The following PIK3CD variants were observed in gnomAD, a reference collection of about 807,000 sequenced individuals.
PIK3CD encodes the protein phosphatidylinositol-4,5-bisphosphate 3-kinase catalytic subunit delta, also known as phosphatidylinositol 4,5-bisphosphate 3-kinase catalytic subunit delta isoform.
Under a neutral mutation model 122.9 loss-of-function variants are expected in PIK3CD, and 20 were observed. The ratio of observed to expected loss-of-function variants is 0.16; its 90% CI spans 0.11 to 0.24. PIK3CD has a LOEUF of 0.24. Among genes scored for constraint, PIK3CD ranks in the 10% least tolerant of loss-of-function variants. The probability of loss-of-function intolerance (pLI) is 1.00; values close to 1 mark genes in which losing one functional copy is unlikely to be tolerated. For missense variants in PIK3CD, 787 were observed against 1,406.3 expected, an observed-to-expected ratio of 0.56 and a Z score of 7.04; for synonymous variants, 596 against 593.4, an observed-to-expected ratio of 1.00 and a Z score of -0.06.
chr1:9,697,702 T>C (rs1187694661), intron 2 of PIK3CD, among the ~76,000 whole-genome samples: 1 of 150,948 alleles, frequency 6.6e-6, no homozygotes, highest in Non-Finnish European at 1.5e-5. Flanking sequence ...CATTGCACTG[T>C]AGCACGGGCA....
intron 2 of PIK3CD, among the ~76,000 whole-genome samples, chr1:9,696,920 A>G (rs892787094): frequency 6.6e-6 from 1 of 152,038 alleles, no homozygotes; most frequent in Non-Finnish European, 1.5e-5. Flanking sequence ...ATGTACTAAG[A>G]CCTTGTCTCT....
At chr1:9,675,786 A>G (rs12567553) in intron 1 of PIK3CD, among the ~76,000 whole-genome samples, 49,179 of 150,196 alleles carry the variant, frequency 0.33, 12,066 homozygotes, top group East Asian at 0.65. Context: ...TTTTTTTAGA[A>G]ACAGGGTCTC....
In PIK3CD at chr1:9,663,361, G is replaced by A. The variant is rs193000272; in HGVS notation, c.-138+11559G>A. On this transcript the variant is annotated intron_variant, in intron 1 of 23. Coordinates refer to ENST00000377346, the MANE Select transcript of PIK3CD (RefSeq NM_005026.5). ...GTTCTTCCTGGCATTATGTGCCCGAGAGGGTGCGGAGGAACATGCTAGATC... is the reference window on the plus strand; with the variant it reads ...GTTCTTCCTGGCATTATGTGCCCGAAAGGGTGCGGAGGAACATGCTAGATC... Among the ~76,000 whole-genome samples the A allele has an allele frequency of 3.7e-4, 57 of 152,236 alleles. 1 individual carries two copies. The highest frequency in any genetic ancestry group is 6.8e-4 in the Non-Finnish European group (46 of 68,022).
intron 1 of PIK3CD, among the ~76,000 whole-genome samples, chr1:9,688,974 C>T (rs530026925): frequency 4.6e-4 from 70 of 152,272 alleles, no homozygotes; most frequent in African/African-American, 1.6e-3. Context: ...TTCTAAATCT[C>T]ACATATAAGG....
chr1:9,715,594 C>T lies in PIK3CD; in HGVS notation c.195C>T (p.Pro65=), dbSNP rs752425885. Residue 65 remains proline (P), a synonymous_variant, in exon 4 of 24, where the codon CCC becomes CCT. Transcript: ENST00000377346. The surrounding 1 kb of genome is among the most constrained non-coding windows in gnomAD (Gnocchi z 4.1). ...CGCTCTTCCACATGCTCAGTGGCCC[C>T]GAGGCCTATGTGTTCACCTGCATCA... The part of the protein sequence containing the change: ...YEPLFHMLSG[P]EAYVFTCINQ... The T allele has an allele frequency of 6.8e-6, 11 of 1,613,710 alleles. No homozygotes were observed. The highest frequency in any genetic ancestry group is 3.3e-5 in the South Asian group (3 of 91,084).
At chr1:9,645,779 G>A in the PIK3CD span, among the ~76,000 whole-genome samples, 2 of 151,492 alleles carry the variant, frequency 1.3e-5, no homozygotes, top group African/African-American at 4.8e-5. Flanking sequence ...CTAATTTTTT[G>A]TATTTTTAGT....
intron 1 of PIK3CD, among the ~76,000 whole-genome samples, chr1:9,685,968 G>A (rs1645949994): frequency 6.6e-6 from 1 of 152,218 alleles, no homozygotes; most frequent in Non-Finnish European, 1.5e-5. Flanking sequence ...GTTAGAAAGA[G>A]AATAGCAGAA....
At chr1:9,716,838 G>A in intron 6 of PIK3CD, 121 bp from the exon 7 acceptor site, 1 of 1,411,658 alleles carries the variant, frequency 7.1e-7, no homozygotes, top group Non-Finnish European at 9.9e-7. Flanking sequence ...CCAGCAGGAA[G>A]CCCTCCCCTC....
the PIK3CD span, among the ~76,000 whole-genome samples, chr1:9,643,452 A>G: frequency 9.6e-6 from 1 of 104,062 alleles, no homozygotes; most frequent in African/African-American, 3.8e-5. Flanking sequence ...GGAAGGAAGG[A>G]AGGGAGGGAG....
the PIK3CD span, among the ~76,000 whole-genome samples, chr1:9,636,370 T>G: frequency 6.6e-6 from 1 of 152,162 alleles, no homozygotes; most frequent in Non-Finnish European, 1.5e-5. Flanking sequence ...ATTTTTGTAT[T>G]TTTAGTAGAG....
the PIK3CD span, among the ~76,000 whole-genome samples, chr1:9,630,326 G>C: frequency 6.6e-6 from 1 of 152,258 alleles, no homozygotes; most frequent in Non-Finnish European, 1.5e-5. Context: ...TGAAGGGGCT[G>C]TTCCTGCACT....
In PIK3CD at chr1:9,689,804, C is replaced by T. The variant is rs1276101303; in HGVS notation, c.-137-1663C>T. Among the ~76,000 whole-genome samples, 1 of 151,898 alleles carries T rather than the reference C, an allele frequency of 6.6e-6. No individual in the cohort carries two copies. Among genetic ancestry groups the T allele is most frequent in the Admixed American group, 6.5e-5 (1 of 15,268 alleles). The stretch of plus-strand genomic sequence containing the variant: ...GCCGGGCGTCCCACCCCGCCCAGCC[C>T]CGGGCTTTGTCCGCCTGGGGCGGGG... On this transcript the variant is annotated intron_variant, in intron 1 of 23. Coordinates refer to ENST00000377346, the MANE Select transcript of PIK3CD (RefSeq NM_005026.5). This position sits in a 1 kb window ranked among gnomAD's most constrained non-coding sequence, Gnocchi z 6.1.
intron 1 of PIK3CD, among the ~76,000 whole-genome samples, chr1:9,667,257 G>A (rs549435494): frequency 6.6e-6 from 1 of 152,162 alleles, no homozygotes; most frequent in East Asian, 1.9e-4. Context: ...CTTGAGCCCA[G>A]GAATTCAAGG....
At chr1:9,636,815 G>A in the PIK3CD span, among the ~76,000 whole-genome samples, 9 of 152,196 alleles carry the variant, frequency 5.9e-5, no homozygotes, top group African/African-American at 1.9e-4. Flanking sequence ...GGGCTTAGGT[G>A]GATAGAGTTC....
At position 9,718,970 on chromosome 1, in the gene PIK3CD, C is replaced by T; in HGVS notation, c.1242+55C>T. 1.3e-6 allele frequency: 2 copies of T among 1,504,896 alleles called. No homozygotes were observed. Among genetic ancestry groups the T allele is most frequent in the South Asian group, 2.3e-5 (2 of 88,056 alleles). The allele number at this position is 1,504,896 out of a possible 1,614,324, so 93.2% of individuals were successfully genotyped here. A position where few individuals can be genotyped will look rare whatever the true frequency, so the allele number is the denominator to read the frequency against. ...CAGACCCCGGAGAGCCAGTACAGCC[C>T]CTTGCTGGGCCACTCACCACTCTCC... On this transcript the variant is annotated intron_variant, in intron 9 of 23. Coordinates refer to ENST00000377346, the MANE Select transcript of PIK3CD (RefSeq NM_005026.5). This position sits in a 1 kb window ranked among gnomAD's most constrained non-coding sequence, Gnocchi z 7.2.
In PIK3CD at chr1:9,710,129, G is replaced by A. The variant is rs1346763083; in HGVS notation, c.-32-295G>A. ...GCTGGTGGCCATGACTGGCTTTCGT[G>A]GATGTGTATGTTCCTGAGGAAAGAT... On this transcript the variant is annotated intron_variant, in intron 2 of 23. Coordinates refer to ENST00000377346, the MANE Select transcript of PIK3CD (RefSeq NM_005026.5). The surrounding 1 kb of genome is among the most constrained non-coding windows in gnomAD (Gnocchi z 4.7). 7.6e-6 allele frequency: 3 copies of A among 394,034 alleles called. No individual in the cohort carries two copies. The highest frequency in any genetic ancestry group is 6.2e-5 in the African/African-American group (3 of 48,592). 24.4% of individuals were successfully genotyped at this position (394,034 alleles called of 1,614,324 possible).
In PIK3CD at chr1:9,717,099, T is replaced by C; in HGVS notation, c.921T>C (p.Pro307=). ...QKPRAKPPPI[P]AKKPSSVSLW... is the part of the protein sequence containing the mutation. The stretch of plus-strand genomic sequence containing the variant: ...CGCGTGCCAAACCACCTCCCATTCC[T>C]GCGAAGAAGGTGAGATGGCGCCTTC... The change falls in exon 7 of 24, where the codon CCT becomes CCC. Residue 307 remains proline (P), a synonymous_variant. Coordinates refer to ENST00000377346, the MANE Select transcript of PIK3CD (RefSeq NM_005026.5). The surrounding 1 kb of genome is among the most constrained non-coding windows in gnomAD (Gnocchi z 5.4). 1.2e-6 allele frequency: 2 copies of C among 1,613,918 alleles called. No individual in the cohort carries two copies. The highest frequency in any genetic ancestry group is 1.3e-5 in the African/African-American group (1 of 75,064).
the PIK3CD span, among the ~76,000 whole-genome samples, chr1:9,644,203 G>A: frequency 2.6e-5 from 4 of 152,184 alleles, no homozygotes; most frequent in African/African-American, 9.7e-5. Flanking sequence ...ACGTTCTGCA[G>A]GAGAGGGTTA....
At position 9,720,120 on chromosome 1, in the gene PIK3CD, G is replaced by A. The variant is rs1648275518; in HGVS notation, c.1348G>A (p.Gly450Ser). ...TCTGCCCCTGTGTTCAGATGAGAAG[G>A]GCGAGCTGCTGAACCCCACGGGCAC... is the stretch of plus-strand genomic sequence containing the variant. ...YMWPSVPDEK[G>S]ELLNPTGTVR... Residue 450 changes from glycine (G) to serine (S), a missense_variant, in exon 11 of 24, where the codon GGC becomes AGC. By Grantham distance (56) the Gly-to-Ser change is moderately conservative (BLOSUM62 0). Transcript: ENST00000377346. This position sits in a 1 kb window ranked among gnomAD's most constrained non-coding sequence, Gnocchi z 9.0. The A allele has an allele frequency of 1.9e-6, 3 of 1,613,164 alleles. No homozygotes were observed. Among genetic ancestry groups the A allele is most frequent in the Non-Finnish European group, 2.5e-6 (3 of 1,180,016 alleles).
Sources: allele counts gnomAD v4.1 joint callset (sites outside exome capture counted in the v4.1 genomes callset), GRCh38; gene constraint gnomAD v4.1.1; non-coding constraint Gnocchi (gnomAD v3.1); transcripts MANE v1.5; gene names NCBI Gene and HGNC (gene_info 2026-07-23, HGNC 2026-07-21).